The following MINPP1 variants were observed in gnomAD, a reference collection of about 807,000 sequenced individuals.
MINPP1 encodes the protein multiple inositol-polyphosphate phosphatase 1, also known as multiple inositol polyphosphate phosphatase 1.
In MINPP1, 28 loss-of-function variants were observed where a neutral mutation model predicts 46.1. The ratio of observed to expected loss-of-function variants is 0.61; its 90% confidence interval spans 0.45 to 0.83. The LOEUF (loss-of-function observed/expected upper bound fraction) is 0.83, where lower values mean the gene tolerates loss of function less well. Among genes scored for constraint, MINPP1 ranks in the 40% least tolerant of loss-of-function variants. MINPP1 has a pLI of 0.00. For missense variants in MINPP1, 603 were observed against 610.0 expected (o/e 0.99, Z 0.12); for synonymous variants, 268 against 249.1 (o/e 1.08, Z -0.72).
intron 2 of MINPP1, chr10:87,509,731 G>C (rs1851308240): frequency 2.8e-6 from 1 of 360,980 alleles, no homozygotes; most frequent in Non-Finnish European, 5.6e-6. Flanking sequence ...AAACTTTTAA[G>C]AGTGGTATCA....
At chr10:87,517,691 A>G (rs1435806102) in intron 3 of MINPP1, among the ~76,000 whole-genome samples, 2 of 152,260 alleles carry the variant, frequency 1.3e-5, no homozygotes, top group Middle Eastern at 3.4e-3. Context: ...CCTTGTTGCT[A>G]TGAACATTAT....
intron 3 of MINPP1, among the ~76,000 whole-genome samples, chr10:87,517,252 C>T (rs1013914651): frequency 6.6e-6 from 1 of 152,112 alleles, no homozygotes; most frequent in Non-Finnish European, 1.5e-5. Context: ...TGATCTTGAC[C>T]TGTTGTGTTG....
intron 2 of MINPP1, among the ~76,000 whole-genome samples, chr10:87,510,725 C>T (rs1851322534): frequency 6.6e-6 from 1 of 152,098 alleles, no homozygotes; most frequent in Admixed American, 6.5e-5. Context: ...TGAAACCCTG[C>T]CTCTATCAAA....
chr10:87,512,412 C>T (rs990206185), intron 2 of MINPP1, among the ~76,000 whole-genome samples: 2 of 152,082 alleles, frequency 1.3e-5, no homozygotes, highest in Admixed American at 6.6e-5. Flanking sequence ...TCCTCCTTGG[C>T]TGTCTCTCCT....
chr10:87,547,693 GTTAGGTACTAATATT>G (rs1243956121), intron 4 of MINPP1, among the ~76,000 whole-genome samples: 1 of 152,158 alleles, frequency 6.6e-6, no homozygotes, highest in Admixed American at 6.5e-5. Flanking sequence ...AGAATAAAGT[GTTAGGTACTAATATT>G]TTAGGAGAAC....
In MINPP1 at chr10:87,505,256, C is replaced by T. The variant is rs1430369818; in HGVS notation, c.341C>T (p.Ser114Phe). 3.7e-6 allele frequency: 6 copies of T among 1,612,168 alleles called. No individual in the cohort carries two copies. The highest frequency in any genetic ancestry group is 4.2e-6 in the Non-Finnish European group (5 of 1,178,880). The stretch of plus-strand genomic sequence containing the variant: ...CACGGGTTGCTGCAGGCCCGCGGGT[C>T]CAGGGATGGCGGGGCTAGTAGTACC... ...QLHGLLQARGSRDGGASSTGS... is the reference protein window; with the variant it reads ...QLHGLLQARGFRDGGASSTGS... Residue 114 changes from serine (S) to phenylalanine (F), a missense_variant, in exon 1 of 5, where the codon TCC becomes TTC. By Grantham distance (155) the Ser-to-Phe change is radical. Coordinates refer to ENST00000371996, the MANE Select transcript of MINPP1 (RefSeq NM_004897.5). The surrounding 1 kb of genome is among the most constrained non-coding windows in gnomAD (Gnocchi z 4.4).
At chr10:87,540,024 G>A (rs1201383466) in intron 4 of MINPP1, among the ~76,000 whole-genome samples, 18 of 152,262 alleles carry the variant, frequency 1.2e-4, no homozygotes, top group Admixed American at 9.8e-4. Flanking sequence ...GCGCCACAGC[G>A]CCTGGCTAAT....
At position 87,552,610 on chromosome 10, in the gene MINPP1, A is replaced by G; in HGVS notation, c.*132A>G. 4 of 935,850 alleles carry G rather than the reference A, an allele frequency of 4.3e-6. No homozygotes were observed. Among genetic ancestry groups the G allele is most frequent in the Non-Finnish European group, 6.5e-6 (4 of 615,264 alleles). The allele number at this position is 935,850 out of a possible 1,614,324, so 58.0% of individuals were successfully genotyped here. On this transcript the variant is annotated 3_prime_UTR_variant, in exon 5 of 5. Transcript: ENST00000371996. ...TATTTCTGTCTTTTCACAGAAAAACATTGGGTTTCTCTCTGGGTTTGGACA... is the reference window on the plus strand; with the variant it reads ...TATTTCTGTCTTTTCACAGAAAAACGTTGGGTTTCTCTCTGGGTTTGGACA...
At chr10:87,549,156 A>G (rs1352240967) in intron 4 of MINPP1, among the ~76,000 whole-genome samples, 1 of 152,208 alleles carries the variant, frequency 6.6e-6, no homozygotes, top group Non-Finnish European at 1.5e-5. Context: ...GCAGTAAAAA[A>G]AGGGGGGAAG....
intron 4 of MINPP1, among the ~76,000 whole-genome samples, chr10:87,525,798 A>T (rs748281083): frequency 2.0e-5 from 3 of 152,216 alleles, no homozygotes; most frequent in African/African-American, 4.8e-5. Context: ...GAGTGAAAAC[A>T]TGCAGTGCTT....
chr10:87,528,910 A>G (rs532829389), intron 4 of MINPP1, among the ~76,000 whole-genome samples: 2 of 152,274 alleles, frequency 1.3e-5, no homozygotes, highest in South Asian at 2.1e-4. Flanking sequence ...GGGTGCATAT[A>G]TATTTGGGAT....
chr10:87,523,444 G>T (rs1224068618), intron 4 of MINPP1, among the ~76,000 whole-genome samples: 1 of 150,864 alleles, frequency 6.6e-6, no homozygotes, highest in African/African-American at 2.4e-5. Context: ...TCCGCCTCCT[G>T]GGTTCACGCC....
intron 3 of MINPP1, among the ~76,000 whole-genome samples, chr10:87,518,201 C>T (rs1430871854): frequency 5.9e-5 from 9 of 151,802 alleles, no homozygotes; most frequent in African/African-American, 2.2e-4. Flanking sequence ...CCTCGCAATC[C>T]GCCTGTCTCA....
At chr10:87,508,696 A>G (rs1010588044) in intron 2 of MINPP1, among the ~76,000 whole-genome samples, 163 bp downstream of exon 2, 1 of 152,126 alleles carries the variant, frequency 6.6e-6, no homozygotes, top group African/African-American at 2.4e-5. Context: ...TGTGCTTACT[A>G]TTTACCATTT....
intron 4 of MINPP1, among the ~76,000 whole-genome samples, chr10:87,547,455 C>G (rs1851903791): frequency 6.6e-6 from 1 of 151,992 alleles, no homozygotes; most frequent in African/African-American, 2.4e-5. Context: ...TGACTAAGTT[C>G]CTAAATTATT....
At chr10:87,525,538 TC>T (rs1231209275) in intron 4 of MINPP1, among the ~76,000 whole-genome samples, 1 of 152,236 alleles carries the variant, frequency 6.6e-6, no homozygotes, top group Non-Finnish European at 1.5e-5. Context: ...CATCTTATTT[TC>T]TTTTTTTCAC....
In MINPP1 at chr10:87,553,288, T is replaced by C. The variant is rs1024391034; in HGVS notation, c.*810T>C. 6.6e-6 allele frequency: 1 copy of C among 152,126 alleles called. No homozygotes were observed. The highest frequency in any genetic ancestry group is 2.4e-5 in the African/African-American group (1 of 41,442). The allele number at this position is 152,126 out of a possible 1,614,324, so 9.4% of individuals were successfully genotyped here. ...TTTTCCTATTATATGAAATGTATCTTTTGGTTGTTTGATTTTTCTTTCTTT... is the reference window on the plus strand; with the variant it reads ...TTTTCCTATTATATGAAATGTATCTCTTGGTTGTTTGATTTTTCTTTCTTT... On this transcript the variant is annotated 3_prime_UTR_variant, in exon 5 of 5. Coordinates refer to ENST00000371996, the MANE Select transcript of MINPP1 (RefSeq NM_004897.5).
intron 4 of MINPP1, among the ~76,000 whole-genome samples, chr10:87,541,659 G>A (rs137880943): frequency 6.6e-6 from 1 of 152,292 alleles, no homozygotes; most frequent in East Asian, 1.9e-4. Context: ...TAAAAGCATG[G>A]CTCCAGCATC....
chr10:87,550,543 T>C (rs1160382984), intron 4 of MINPP1, among the ~76,000 whole-genome samples: 1 of 152,186 alleles, frequency 6.6e-6, no homozygotes, highest in African/African-American at 2.4e-5. Flanking sequence ...TATATGGAAG[T>C]TATTCTGCTC....
Sources: allele counts gnomAD v4.1 joint callset (sites outside exome capture counted in the v4.1 genomes callset), GRCh38; gene constraint gnomAD v4.1.1; non-coding constraint Gnocchi (gnomAD v3.1); transcripts MANE v1.5; gene names NCBI Gene and HGNC (gene_info 2026-07-23, HGNC 2026-07-21).